ATP10D: variants seen among roughly 807,000 people sequenced by gnomAD.
ATP10D encodes ATPase phospholipid transporting 10D (putative).
Under a neutral mutation model 144.8 loss-of-function variants are expected in ATP10D, and 89 were observed. The observed-to-expected ratio is 0.61, with a 90% CI of 0.52 to 0.73. The LOEUF is 0.73. ATP10D is among the 30% of genes least tolerant of loss of function. The pLI is 0.00. For missense variants in ATP10D, 1,603 were observed against 1,714.8 expected (o/e 0.93, Z 1.15); for synonymous variants, 571 against 615.1 (o/e 0.93, Z 1.06).
intron 1 of ATP10D, among the ~76,000 whole-genome samples, chr4:47,509,256 A>C (rs1716187557): frequency 6.6e-6 from 1 of 152,216 alleles, no homozygotes; most frequent in Non-Finnish European, 1.5e-5. Context: ...TCGTTTACAA[A>C]AACATCCACT....
At position 47,592,819 on chromosome 4, in the gene ATP10D, T is replaced by C. The variant is rs1335239084; in HGVS notation, c.*1438T>C. The C allele has an allele frequency of 1.3e-5, 2 of 152,612 alleles. No homozygotes were observed. Among genetic ancestry groups the C allele is most frequent in the South Asian group, 4.1e-4 (2 of 4,836 alleles). 9.5% of individuals were successfully genotyped at this position (152,612 alleles called of 1,614,324 possible). On this transcript the variant is annotated 3_prime_UTR_variant, in exon 23 of 23. Transcript: ENST00000273859. ...AACTTTCAAAATCTCACATAGCTAA[T>C]GGAAGTTGCTTTCTGCTTTCTTATG... is the stretch of plus-strand genomic sequence containing the variant.
chr4:47,544,589 G>A (rs1418713385), intron 9 of ATP10D, among the ~76,000 whole-genome samples: 1 of 152,100 alleles, frequency 6.6e-6, no homozygotes. Context: ...AATCCAAATC[G>A]TTCATTCTGA....
At chr4:47,569,575 A>G (rs1577695332) in intron 16 of ATP10D, among the ~76,000 whole-genome samples, 2 of 152,224 alleles carry the variant, frequency 1.3e-5, no homozygotes, top group East Asian at 3.8e-4. Flanking sequence ...AGGAATGGAG[A>G]TACAAGAGTA....
chr4:47,490,930 C>T, intron 1 of ATP10D: 1 of 409,358 alleles, frequency 2.4e-6, no homozygotes, highest in Admixed American at 3.8e-5. Flanking sequence ...GCAAATACAT[C>T]TTTTTTTTTT....
intron 1 of ATP10D, among the ~76,000 whole-genome samples, chr4:47,493,161 T>C (rs916480126): frequency 1.3e-5 from 2 of 152,220 alleles, no homozygotes; most frequent in Non-Finnish European, 2.9e-5. Context: ...AATTGCCCTA[T>C]TTCTTGTATA....
Position 47,592,715 on chromosome 4 carries a change from C to A in ATP10D, c.*1334C>A, listed in dbSNP as rs970060585. 6.6e-6 allele frequency: 1 copy of A among 152,542 alleles called. No individual in the cohort carries two copies. 9.4% of individuals were successfully genotyped at this position (152,542 alleles called of 1,614,324 possible). A position where few individuals can be genotyped will look rare whatever the true frequency, so the allele number is the denominator to read the frequency against. On this transcript the variant is annotated 3_prime_UTR_variant, in exon 23 of 23. Transcript: ENST00000273859. ...TTCTCAGGGTTTAGTTTTCTACCTT[C>A]TGCCTACTATTTTGGTCTGACATTT...
At chr4:47,542,375 G>A (rs1560434362) in intron 9 of ATP10D, among the ~76,000 whole-genome samples, 1 of 151,836 alleles carries the variant, frequency 6.6e-6, no homozygotes. Flanking sequence ...GGGACTACAG[G>A]TGTAAGCCAC....
intron 1 of ATP10D, 31 bp from the exon 2 acceptor site, chr4:47,512,473 C>A: frequency 7.1e-7 from 1 of 1,401,568 alleles, no homozygotes; most frequent in South Asian, 1.3e-5. Flanking sequence ...TTCAGAAGCT[C>A]ATGGAAGTGT....
chr4:47,512,624 C>G lies in ATP10D; in HGVS notation c.84C>G (p.Tyr28Ter), dbSNP rs1379513033. The stretch of plus-strand genomic sequence containing the variant: ...CCAGGGATGATGATTCAGGGCCATA[C>G]AACTATTCCTCGTTGCTCGCCTGTG... ...GATRDDDSGP[Y>*]NYSSLLACGR... The change falls in exon 2 of 23, where the codon TAC becomes TAG. Residue 28 changes from tyrosine (Y) to a stop codon, truncating the protein, a stop_gained. Coordinates refer to ENST00000273859, the MANE Select transcript of ATP10D (RefSeq NM_020453.4). LOFTEE classifies it high-confidence loss of function. 1 of 1,614,158 alleles carries G rather than the reference C, an allele frequency of 6.2e-7. No individual in the cohort carries two copies. Among genetic ancestry groups the G allele is most frequent in the Non-Finnish European group, 8.5e-7 (1 of 1,180,022 alleles).
chr4:47,545,271 A>T (rs1718357141), intron 9 of ATP10D, among the ~76,000 whole-genome samples: 1 of 152,244 alleles, frequency 6.6e-6, no homozygotes, highest in Admixed American at 6.5e-5. Flanking sequence ...GTGAAGTTAG[A>T]TAGGTCAGCA....
intron 1 of ATP10D, among the ~76,000 whole-genome samples, chr4:47,502,035 A>T (rs1715707052): frequency 6.6e-6 from 1 of 152,206 alleles, no homozygotes; most frequent in East Asian, 1.9e-4. Context: ...GGAACTCACC[A>T]TAAATGAGTA....
chr4:47,492,293 A>C (rs1484090463), intron 1 of ATP10D, among the ~76,000 whole-genome samples: 1 of 152,344 alleles, frequency 6.6e-6, no homozygotes, highest in East Asian at 1.9e-4. Context: ...TCTGTTTGTC[A>C]AACTTGTGTT....
intron 14 of ATP10D, 131 bp from the exon 15 acceptor site, chr4:47,563,450 T>C (rs1309575070): frequency 2.7e-5 from 20 of 728,306 alleles, no homozygotes; most frequent in Non-Finnish European, 3.9e-5. Context: ...CCTTTGACTC[T>C]CCTGAGCAGC....
At chr4:47,568,257 T>C (rs1483991520) in intron 15 of ATP10D, among the ~76,000 whole-genome samples, 2 of 152,246 alleles carry the variant, frequency 1.3e-5, no homozygotes, top group African/African-American at 4.8e-5. Context: ...TGTTTATTGG[T>C]GTAGCTCCAG....
At chr4:47,590,492 A>G (rs1169651994) in intron 22 of ATP10D, among the ~76,000 whole-genome samples, 4 of 152,154 alleles carry the variant, frequency 2.6e-5, no homozygotes, top group Non-Finnish European at 5.9e-5. Context: ...CAGGAAAAGA[A>G]ATGAGGTTAT....
At chr4:47,508,542 A>G (rs4305497) in intron 1 of ATP10D, among the ~76,000 whole-genome samples, 151,312 of 152,336 alleles carry the variant, frequency 0.99, 75,154 homozygotes, top group East Asian at 1. Context: ...TTGAGCCTGG[A>G]CTTACAGAGT....
intron 7 of ATP10D, 100 bp from the exon 8 acceptor site, chr4:47,536,337 C>A: frequency 4.1e-6 from 6 of 1,445,906 alleles, no homozygotes; most frequent in Non-Finnish European, 5.6e-6. Context: ...TGATGTCCAA[C>A]CAAAATGAAT....
At chr4:47,547,356 A>G (rs1362757606) in intron 10 of ATP10D, 1 of 162,932 alleles carries the variant, frequency 6.1e-6, no homozygotes. Flanking sequence ...ATTTTCTAAT[A>G]TATCAATTTC....
In ATP10D at chr4:47,559,032, G is replaced by A. The variant is rs368971720; in HGVS notation, c.2541+3G>A. On this transcript the variant is annotated splice_donor_region_variant and intron_variant, in intron 13 of 22. Transcript: ENST00000273859. ...GTACTTTATGTATAGCAAAGAAGGT[G>A]AGACTGCTTAGTGCGCTCCATCTTT... 8.7e-6 allele frequency: 14 copies of A among 1,609,834 alleles called. No individual in the cohort carries two copies. The African/African-American group carries it at 1.6e-4, about 18-fold the overall frequency.
Sources: allele counts gnomAD v4.1 joint callset (sites outside exome capture counted in the v4.1 genomes callset), GRCh38; gene constraint gnomAD v4.1.1; transcripts MANE v1.5; gene names NCBI Gene and HGNC (gene_info 2026-07-23, HGNC 2026-07-21).